Variants in CEP57L1 observed in about 807,000 individuals in gnomAD.
CEP57L1 encodes centrosomal protein CEP57L1.
Under a neutral mutation model 61.0 loss-of-function variants are expected in CEP57L1, and 37 were observed. That is an observed-to-expected ratio of 0.61 (90% CI 0.47 to 0.80). The LOEUF (loss-of-function observed/expected upper bound fraction) is 0.80. Ranked by LOEUF, CEP57L1 falls within the 30% of genes least tolerant of loss-of-function variation. CEP57L1 has a pLI of 0.00. For synonymous variants in CEP57L1, 137 were observed against 162.3 expected (o/e 0.84, Z 1.19); for missense variants, 422 against 524.7 (o/e 0.80, Z 1.91).
At chr6:109,109,846 A>G (rs565580910) in intron 1 of CEP57L1, among the ~76,000 whole-genome samples, 2 of 152,340 alleles carry the variant, frequency 1.3e-5, no homozygotes, top group East Asian at 3.9e-4. Flanking sequence ...AGCATCATCC[A>G]TGTCCCTGTA....
chr6:109,107,359 T>G (rs901438370), intron 1 of CEP57L1, among the ~76,000 whole-genome samples: 10 of 152,052 alleles, frequency 6.6e-5, no homozygotes, highest in African/African-American at 2.4e-4. Flanking sequence ...GTGTGTAGGT[T>G]AGAGGAGAGT....
intron 1 of CEP57L1, among the ~76,000 whole-genome samples, chr6:109,096,879 A>G (rs1781763139): frequency 6.6e-6 from 1 of 152,212 alleles, no homozygotes. Context: ...CCGTAGTTAA[A>G]TATGATCTCA....
chr6:109,151,442 G>A (rs1410882740), intron 4 of CEP57L1, among the ~76,000 whole-genome samples: 5 of 152,064 alleles, frequency 3.3e-5, no homozygotes, highest in African/African-American at 1.2e-4. Flanking sequence ...TATTTCACAT[G>A]TAATGTAGGA....
At position 109,172,858 on chromosome 6, in the gene CEP57L1, G is replaced by A. The variant is rs1774467642; in HGVS notation, c.*9888G>A. ...TTACTACAACATAGGAGTTAACTTT[G>A]TCTGGAGGCTTTTTCAAGCCCAAGA... On this transcript the variant is annotated 3_prime_UTR_variant, in exon 11 of 11. Coordinates refer to ENST00000517392, the MANE Select transcript of CEP57L1 (RefSeq NM_001271852.3). Among the ~76,000 whole-genome samples the A allele has an allele frequency of 1.3e-5, 2 of 152,144 alleles. No homozygotes were observed. The highest frequency in any genetic ancestry group is 4.1e-4 in the South Asian group (2 of 4,824).
chr6:109,133,176 A>G (rs538153830), intron 1 of CEP57L1, among the ~76,000 whole-genome samples: 4 of 152,078 alleles, frequency 2.6e-5, no homozygotes, highest in African/African-American at 9.6e-5. Flanking sequence ...CCTTAGAGCA[A>G]TCTTATATGT....
chr6:109,160,548 T>C (rs1773624604), intron 9 of CEP57L1, 24 bp from the exon 10 acceptor site: 1 of 1,551,004 alleles, frequency 6.4e-7, no homozygotes, highest in African/African-American at 1.4e-5. Flanking sequence ...ATAATACTGC[T>C]TAATATTTGC....
intron 1 of CEP57L1, among the ~76,000 whole-genome samples, chr6:109,126,421 T>A (rs1773564846): frequency 6.6e-6 from 1 of 152,194 alleles, no homozygotes; most frequent in African/African-American, 2.4e-5. Flanking sequence ...AAGGTAGAAG[T>A]AAGAACATGA....
At chr6:109,155,058 G>A (rs1483530858) in intron 5 of CEP57L1, among the ~76,000 whole-genome samples, 172 bp from the exon 6 acceptor site, 1 of 152,022 alleles carries the variant, frequency 6.6e-6, no homozygotes, top group African/African-American at 2.4e-5. Flanking sequence ...AAAGAAGTGG[G>A]AAGAAAGCCA....
At chr6:109,102,216 G>C (rs1244698633) in intron 1 of CEP57L1, among the ~76,000 whole-genome samples, 4 of 151,854 alleles carry the variant, frequency 2.6e-5, no homozygotes, top group African/African-American at 9.7e-5. Context: ...TTGTTTTTTA[G>C]AGGCAGGGTC....
rs1773644643 is a variant in CEP57L1, at chr6:109,160,709, A to C, written c.1154A>C (p.Gln385Pro). The change falls in exon 10 of 11, where the codon CAA becomes CCA. Residue 385 changes from glutamine (Q) to proline (P), a missense_variant. Gln to Pro is a moderately conservative substitution (Grantham distance 76). Transcript: ENST00000517392. ...GEQISKLKKH[Q>P]DSVCKLQQKV... is the part of the protein sequence containing the mutation. ...CAAATCTCCAAACTGAAGAAGCATC[A>C]AGACAGTGTAAGAAGGCTTTAGTAA... The C allele has an allele frequency of 1.3e-6, 2 of 1,587,880 alleles. No individual in the cohort carries two copies. Among genetic ancestry groups the C allele is most frequent in the South Asian group, 2.3e-5 (2 of 85,890 alleles).
At position 109,174,109 on chromosome 6, in the gene CEP57L1, A is replaced by AAAAAAAAAC. The variant is rs759389630; in HGVS notation, c.*11144_*11145insAAACAAAAA. Among the ~76,000 whole-genome samples, 44 of 148,344 alleles carry AAAAAAAAAC rather than the reference A, an allele frequency of 3.0e-4. 2 individuals are homozygous for AAAAAAAAAC. Among genetic ancestry groups the AAAAAAAAAC allele is most frequent in the South Asian group, 4.3e-4 (2 of 4,652 alleles). On this transcript the variant is annotated 3_prime_UTR_variant, in exon 11 of 11. Coordinates refer to ENST00000517392, the MANE Select transcript of CEP57L1 (RefSeq NM_001271852.3). The stretch of plus-strand genomic sequence containing the variant: ...AGTGAGTCTTGGTCTCAAAAAAAAA[A>AAAAAAAAAC]AAAAACCTTGTGTTGGAAACCATCT...
rs1401015249 is a variant in CEP57L1 at position 109,168,763 on chromosome 6, T to C, written c.*5793T>C. 6.6e-6 allele frequency among the ~76,000 whole-genome samples: 1 copy of C among 151,388 alleles called. No homozygotes were observed. The highest frequency in any genetic ancestry group is 1.5e-5 in the Non-Finnish European group (1 of 67,792). Reference sequence around the variant, plus strand: ...GGTGTGCACCACCATGCCCTGCTAATTTTTTGTATTTTAGTAGAGATGGGG... The same window carrying C: ...GGTGTGCACCACCATGCCCTGCTAACTTTTTGTATTTTAGTAGAGATGGGG... On this transcript the variant is annotated 3_prime_UTR_variant, in exon 11 of 11. Coordinates refer to ENST00000517392, the MANE Select transcript of CEP57L1 (RefSeq NM_001271852.3).
At position 109,167,585 on chromosome 6, in the gene CEP57L1, G is replaced by A. The variant is rs182621484; in HGVS notation, c.*4615G>A. On this transcript the variant is annotated 3_prime_UTR_variant, in exon 11 of 11. Transcript: ENST00000517392. ...CCAGCTACTCGGGAGGCTGAGGCAGGATAATTGCTTGAACCTGGGAGGCAG... is the reference window on the plus strand; with the variant it reads ...CCAGCTACTCGGGAGGCTGAGGCAGAATAATTGCTTGAACCTGGGAGGCAG... Among the ~76,000 whole-genome samples, 1,138 of 152,054 alleles carry A rather than the reference G, an allele frequency of 7.5e-3. 15 individuals carry two copies. Among genetic ancestry groups the A allele is most frequent in the African/African-American group, 0.026 (1,089 of 41,468 alleles).
chr6:109,115,803 T>A (rs1043207786), intron 1 of CEP57L1, among the ~76,000 whole-genome samples: 4 of 152,164 alleles, frequency 2.6e-5, no homozygotes, highest in African/African-American at 9.7e-5. Context: ...TGTTAAAAAG[T>A]GACTGTAGTA....
intron 10 of CEP57L1, 32 bp downstream of exon 10, chr6:109,160,748 A>G (rs1415743814): frequency 6.4e-7 from 1 of 1,563,898 alleles, no homozygotes; most frequent in Non-Finnish European, 8.6e-7. Flanking sequence ...ATTTTAATAA[A>G]AACACAAAAT....
chr6:109,105,438 C>T (rs1327454742), intron 1 of CEP57L1, among the ~76,000 whole-genome samples: 5 of 152,192 alleles, frequency 3.3e-5, no homozygotes, highest in African/African-American at 9.6e-5. Context: ...ATTGAATAGC[C>T]AATCCTTTCT....
In CEP57L1 at chr6:109,163,631, T is replaced by C. The variant is rs1773903181; in HGVS notation, c.*661T>C. On this transcript the variant is annotated 3_prime_UTR_variant, in exon 11 of 11. Transcript: ENST00000517392. ...TAAAAAATCAATGATCAATTTTATC[T>C]TACTACTTTATAACTTTTGCTGACT... 1 of 152,172 alleles carries C rather than the reference T, an allele frequency of 6.6e-6. No individual in the cohort carries two copies. Among genetic ancestry groups the C allele is most frequent in the Non-Finnish European group, 1.5e-5 (1 of 68,034 alleles). The allele number at this position is 152,172 out of a possible 1,614,324, so 9.4% of individuals were successfully genotyped here.
intron 1 of CEP57L1, chr6:109,105,987 T>C (rs2114592794): frequency 6.6e-6 from 1 of 152,354 alleles, no homozygotes; most frequent in South Asian, 2.1e-4. Flanking sequence ...ACACTCCTTA[T>C]GAGAATCTAA....
chr6:109,095,326 T>A (rs936952858), upstream of CEP57L1: 9 of 985,840 alleles, frequency 9.1e-6, no homozygotes, highest in African/African-American at 1.6e-4. Context: ...GCGAAGGGAC[T>A]CCTGGAAGAA....
Sources: allele counts gnomAD v4.1 joint callset (sites outside exome capture counted in the v4.1 genomes callset), GRCh38; gene constraint gnomAD v4.1.1; transcripts MANE v1.5; gene names NCBI Gene and HGNC (gene_info 2026-07-23, HGNC 2026-07-21).